Variants in SIPA1L3 observed in about 807,000 individuals in gnomAD.
SIPA1L3 encodes signal induced proliferation associated 1 like 3.
A neutral mutation model predicts 150.1 loss-of-function variants in SIPA1L3; 59 were observed. The observed-to-expected ratio is 0.39, with a 90% CI of 0.32 to 0.49. The LOEUF is 0.49. SIPA1L3 is among the 20% of genes least tolerant of loss of function. The pLI is 0.86. For missense variants in SIPA1L3, 2,211 were observed against 2,489.5 expected (o/e 0.89, Z 2.38); for synonymous variants, 1,070 against 1,077.6 (o/e 0.99, Z 0.14).
intron 12 of SIPA1L3, 141 bp downstream of exon 12, chr19:38,142,851 C>T: frequency 1.1e-5 from 12 of 1,087,278 alleles, no homozygotes; most frequent in Non-Finnish European, 1.4e-5. Context: ...AGAGGAGCCC[C>T]ATGGGGTGGT....
At position 38,190,209 on chromosome 19, in the gene SIPA1L3, C is replaced by T. The variant is rs115146076; in HGVS notation, c.4431-1936C>T. ...TGTGGGCAGTGCACTGGCTGGGGGG[C>T]GTGCTGAAGGCCAGGCCTGCTTCCT... On this transcript the variant is annotated intron_variant, in intron 16 of 21. Coordinates refer to ENST00000222345, the MANE Select transcript of SIPA1L3 (RefSeq NM_015073.3). Among the ~76,000 whole-genome samples, 233 of 152,280 alleles carry T rather than the reference C, an allele frequency of 1.5e-3. 3 individuals carry two copies. The highest frequency in any genetic ancestry group is 5.4e-3 in the African/African-American group (225 of 41,556).
At chr19:38,083,766 G>A (rs1654355) in intron 3 of SIPA1L3, among the ~76,000 whole-genome samples, 24,449 of 152,016 alleles carry the variant, frequency 0.16, 2,101 homozygotes, top group African/African-American at 0.22. Context: ...TGAGGCAGGC[G>A]GATCACTTGA....
intron 1 of SIPA1L3, among the ~76,000 whole-genome samples, chr19:37,918,725 G>A (rs1483323147): frequency 2.6e-5 from 4 of 151,808 alleles, no homozygotes; most frequent in Admixed American, 1.3e-4. Context: ...GAAAAAATTA[G>A]CCAGGCATGG....
intron 1 of SIPA1L3, among the ~76,000 whole-genome samples, chr19:37,974,527 A>AG (rs1555772575): frequency 4.2e-4 from 64 of 151,586 alleles, no homozygotes; most frequent in Middle Eastern, 3.4e-3. Context: ...AAAAAAAAAA[A>AG]AAGTATTGAT....
At chr19:37,971,339 T>A (rs1381091096) in intron 1 of SIPA1L3, among the ~76,000 whole-genome samples, 1 of 152,040 alleles carries the variant, frequency 6.6e-6, no homozygotes, top group Non-Finnish European at 1.5e-5. Flanking sequence ...TCTTTAATCA[T>A]CATAACAATC....
intron 1 of SIPA1L3, among the ~76,000 whole-genome samples, chr19:37,939,499 G>A (rs889018493): frequency 2.0e-5 from 3 of 151,750 alleles, no homozygotes; most frequent in African/African-American, 4.8e-5. Context: ...TCTCTCTCAC[G>A]TAAAGGAGCC....
At chr19:38,197,568 C>T (rs1972989002) in intron 18 of SIPA1L3, among the ~76,000 whole-genome samples, 1 of 151,984 alleles carries the variant, frequency 6.6e-6, no homozygotes, top group Non-Finnish European at 1.5e-5. Flanking sequence ...TCGTCGCCAG[C>T]TCCTGTGGCC....
chr19:38,112,111 A>G (rs855631), intron 8 of SIPA1L3, among the ~76,000 whole-genome samples: 36,981 of 147,452 alleles, frequency 0.25, 6,774 homozygotes, highest in African/African-American at 0.53. Flanking sequence ...ATGCACACAC[A>G]TACATGCACA....
intron 2 of SIPA1L3, among the ~76,000 whole-genome samples, chr19:38,051,370 C>T (rs932866042): frequency 4.6e-5 from 7 of 152,182 alleles, no homozygotes; most frequent in African/African-American, 1.2e-4. Flanking sequence ...TTCATCTTTT[C>T]GTCTTTCTCA....
intron 1 of SIPA1L3, among the ~76,000 whole-genome samples, chr19:37,993,212 G>A (rs1967555758): frequency 6.6e-6 from 1 of 152,136 alleles, no homozygotes; most frequent in Admixed American, 6.5e-5. Context: ...TGTGAGATGG[G>A]GATGACACCC....
intron 2 of SIPA1L3, among the ~76,000 whole-genome samples, chr19:38,059,799 CAG>C (rs929093343): frequency 2.9e-4 from 44 of 151,642 alleles, no homozygotes; most frequent in African/African-American, 9.4e-4. Context: ...TTTTTTGAGA[CAG>C]AGTCTCACTC....
chr19:38,151,218 G>T lies in SIPA1L3; in HGVS notation c.3534-1622G>T, dbSNP rs530334122. The stretch of plus-strand genomic sequence containing the variant: ...AAGGAGATTTCCCAGAAGCCTCTGG[G>T]CAGACTTACCCCATTTCAGTCAGAC... On this transcript the variant is annotated intron_variant, in intron 12 of 21. Coordinates refer to ENST00000222345, the MANE Select transcript of SIPA1L3 (RefSeq NM_015073.3). Among the ~76,000 whole-genome samples the T allele has an allele frequency of 1.9e-3, 297 of 152,322 alleles. 2 individuals are homozygous for T. Among genetic ancestry groups the T allele is most frequent in the African/African-American group, 6.8e-3 (282 of 41,568 alleles).
At chr19:38,008,119 G>GT (rs1273695177) in intron 1 of SIPA1L3, among the ~76,000 whole-genome samples, 2 of 151,496 alleles carry the variant, frequency 1.3e-5, no homozygotes, top group South Asian at 2.1e-4. Context: ...GCCCCCAGAG[G>GT]CCTTGCCCTC....
At chr19:38,107,945 C>T (rs1183425382) in intron 7 of SIPA1L3, among the ~76,000 whole-genome samples, 2 of 151,994 alleles carry the variant, frequency 1.3e-5, no homozygotes, top group Non-Finnish European at 2.9e-5. Flanking sequence ...CCATTGCACT[C>T]CAGCCTGGGC....
chr19:38,050,702 C>T (rs1167700684), intron 2 of SIPA1L3, among the ~76,000 whole-genome samples: 2 of 152,134 alleles, frequency 1.3e-5, no homozygotes, highest in Non-Finnish European at 2.9e-5. Flanking sequence ...CTACTCCTTT[C>T]TTTCACATTT....
intron 1 of SIPA1L3, among the ~76,000 whole-genome samples, chr19:38,003,208 C>G (rs571408799): frequency 6.6e-6 from 1 of 152,170 alleles, no homozygotes; most frequent in Non-Finnish European, 1.5e-5. Context: ...GAAGACCCTA[C>G]TCTGGGCCAG....
In SIPA1L3 at chr19:38,208,271, T is replaced by A. The variant is rs937201525; in HGVS notation, c.*2031T>A. 3 of 152,500 alleles carry A rather than the reference T, an allele frequency of 2.0e-5. No homozygotes were observed. The highest frequency in any genetic ancestry group is 4.8e-5 in the African/African-American group (2 of 41,416). 9.4% of individuals were successfully genotyped at this position (152,500 alleles called of 1,614,324 possible). ...TGATTTGTTTCATTTGGATTTTTTTTTTATTATTCTTTATTGTCTTTTTTT... is the reference window on the plus strand; with the variant it reads ...TGATTTGTTTCATTTGGATTTTTTTATTATTATTCTTTATTGTCTTTTTTT... On this transcript the variant is annotated 3_prime_UTR_variant, in exon 22 of 22. Transcript: ENST00000222345.
chr19:38,180,698 C>A (rs1449396608), intron 15 of SIPA1L3, among the ~76,000 whole-genome samples: 1 of 151,946 alleles, frequency 6.6e-6, no homozygotes, highest in African/African-American at 2.4e-5. Flanking sequence ...GATGCGCCAC[C>A]ACACCTGGCT....
At chr19:38,159,153 A>G (rs1972018066) in intron 13 of SIPA1L3, among the ~76,000 whole-genome samples, 1 of 152,228 alleles carries the variant, frequency 6.6e-6, no homozygotes, top group African/African-American at 2.4e-5. Context: ...TCTCGCATCC[A>G]TGGTTCCCCA....
Sources: allele counts gnomAD v4.1 joint callset (sites outside exome capture counted in the v4.1 genomes callset), GRCh38; gene constraint gnomAD v4.1.1; transcripts MANE v1.5; gene names NCBI Gene and HGNC (gene_info 2026-07-23, HGNC 2026-07-21).